CALCOCO1: variants seen among roughly 807,000 people sequenced by gnomAD.
The protein encoded by CALCOCO1 is calcium-binding and coiled-coil domain-containing protein 1.
In CALCOCO1, 44 loss-of-function variants were observed where a neutral mutation model predicts 86.3. The ratio of observed to expected loss-of-function variants is 0.51; its 90% CI spans 0.40 to 0.66. The LOEUF (loss-of-function observed/expected upper bound fraction) is 0.66. Among genes scored for constraint, CALCOCO1 ranks in the 30% least tolerant of loss-of-function variants. The pLI, the probability that CALCOCO1 is intolerant of heterozygous loss-of-function variation, is 0.00. For missense variants in CALCOCO1, 708 were observed against 851.1 expected, an observed-to-expected ratio of 0.83 and a Z score of 2.09; for synonymous variants, 297 against 327.6, an observed-to-expected ratio of 0.91 and a Z score of 1.01.
At chr12:53,716,653 C>G (rs1945735466) in intron 7 of CALCOCO1, among the ~76,000 whole-genome samples, 1 of 152,166 alleles carries the variant, frequency 6.6e-6, no homozygotes, top group Non-Finnish European at 1.5e-5. Context: ...TCTGTGTAGG[C>G]ATTCCATGTA....
chr12:53,714,999 T>A (rs899054865), intron 10 of CALCOCO1, among the ~76,000 whole-genome samples: 3 of 152,162 alleles, frequency 2.0e-5, no homozygotes, highest in African/African-American at 7.2e-5. Flanking sequence ...CTAAGTCACC[T>A]CTACTGGGCC....
chr12:53,714,331 T>C (rs1398369124), intron 11 of CALCOCO1, 90 bp from the exon 12 acceptor site: 1 of 975,492 alleles, frequency 1.0e-6, no homozygotes, highest in African/African-American at 1.6e-5. Context: ...GAAGAACTCT[T>C]AGCTCCTCAG....
chr12:53,710,985 A>G lies in CALCOCO1; in HGVS notation c.*959T>C, dbSNP rs1049144796. The G allele has an allele frequency of 5.9e-6, 2 of 336,176 alleles. No homozygotes were observed. Among genetic ancestry groups the G allele is most frequent in the African/African-American group, 4.3e-5 (2 of 46,490 alleles). The allele number at this position is 336,176 out of a possible 1,614,324, so 20.8% of individuals were successfully genotyped here. On this transcript the variant is annotated 3_prime_UTR_variant, in exon 15 of 15. Transcript: ENST00000550804. ...AGGCACGACAGGACAGTAACTGCCCAGCATCCCCTGCCATGAGGCAGGGAT... is the reference window on the plus strand; with the variant it reads ...AGGCACGACAGGACAGTAACTGCCCGGCATCCCCTGCCATGAGGCAGGGAT...
rs1286506095 is a variant in CALCOCO1, at chr12:53,711,297, A to C, written c.*647T>G. ...ATACATTATTTCTTTCCATGTGAGG[A>C]GATGCGAGGAGAGGATACAGAATAC... On this transcript the variant is annotated 3_prime_UTR_variant, in exon 15 of 15. Coordinates refer to ENST00000550804, the MANE Select transcript of CALCOCO1 (RefSeq NM_020898.3). 8 of 398,394 alleles carry C rather than the reference A, an allele frequency of 2.0e-5. No individual in the cohort carries two copies. Among genetic ancestry groups the C allele is most frequent in the African/African-American group, 4.1e-5 (2 of 48,540 alleles). The allele number at this position is 398,394 out of a possible 1,614,324, so 24.7% of individuals were successfully genotyped here. A position where few individuals can be genotyped will look rare whatever the true frequency, so the allele number is the denominator to read the frequency against.
At chr12:53,712,564 G>T in intron 14 of CALCOCO1, 1 of 231,002 alleles carries the variant, frequency 4.3e-6, no homozygotes, top group South Asian at 6.0e-5. Flanking sequence ...TTGAACCTGG[G>T]AATAAAAGGG....
intron 14 of CALCOCO1, 161 bp downstream of exon 14, chr12:53,712,939 G>A (rs1465508553): frequency 3.9e-6 from 5 of 1,288,920 alleles, no homozygotes; most frequent in African/African-American, 1.5e-5. Context: ...GGGATTTGGA[G>A]CAGTGAGTCA....
intron 13 of CALCOCO1, 42 bp from the exon 14 acceptor site, chr12:53,713,248 C>T (rs2120545268): frequency 6.6e-7 from 1 of 1,526,018 alleles, no homozygotes; most frequent in African/African-American, 1.4e-5. Context: ...GGGTGGTGTC[C>T]CAAGATGGGG....
chr12:53,721,521 T>A lies in CALCOCO1; in HGVS notation c.704A>T (p.Asp235Val). ...TTTCTCACTGATGGTCTGGATGTCA[T>A]CCTCTAGCTCCAGGATGCGTGCCAC... ...DHVARILELE[D>V]DIQTISEKVL... The change falls in exon 6 of 15, where the codon GAT becomes GTT. Residue 235 changes from aspartate to valine, a missense_variant. Coordinates refer to ENST00000550804, the MANE Select transcript of CALCOCO1 (RefSeq NM_020898.3). The A allele has an allele frequency of 6.2e-7, 1 of 1,613,814 alleles. No homozygotes were observed. The highest frequency in any genetic ancestry group is 2.2e-5 in the East Asian group (1 of 44,866).
chr12:53,720,362 T>C (rs1426164769), intron 6 of CALCOCO1, among the ~76,000 whole-genome samples: 1 of 152,262 alleles, frequency 6.6e-6, no homozygotes, highest in Non-Finnish European at 1.5e-5. Flanking sequence ...TTCATACAAC[T>C]TTCACATGTC....
In CALCOCO1 at chr12:53,716,354, T is replaced by A. The variant is rs760613148; in HGVS notation, c.911A>T (p.Lys304Met). Reference protein sequence around the residue: ...HHLNLDLKEAKSWQEEQSAQA... With the variant: ...HHLNLDLKEAMSWQEEQSAQA... ...AGCACTCTGCTCCTCTTGCCAGCTC[T>A]TCGCCTCCTTCAGGTCCAAATTTAA... Residue 304 changes from lysine to methionine, a missense_variant, in exon 8 of 15, where the codon AAG (lysine) becomes ATG (methionine). By Grantham distance (95) the Lys-to-Met change is moderately conservative. Transcript: ENST00000550804. The A allele has an allele frequency of 1.2e-6, 2 of 1,614,218 alleles. No homozygotes were observed. The highest frequency in any genetic ancestry group is 1.7e-5 in the Admixed American group (1 of 60,024).
intron 14 of CALCOCO1, 113 bp downstream of exon 14, chr12:53,712,987 G>T: frequency 7.8e-7 from 1 of 1,290,154 alleles, no homozygotes; most frequent in Non-Finnish European, 1.1e-6. Context: ...CCTTTTCTTG[G>T]CTGAGGCCAA....
Position 53,721,471 on chromosome 12 carries a change from C to T in CALCOCO1, c.754G>A (p.Asp252Asn). 1.2e-6 allele frequency: 2 copies of T among 1,610,006 alleles called. No individual in the cohort carries two copies. Among genetic ancestry groups the T allele is most frequent in the Non-Finnish European group, 1.7e-6 (2 of 1,178,682 alleles). The change falls in exon 6 of 15, where the codon GAC (aspartate) becomes AAC (asparagine). Residue 252 changes from aspartate to asparagine, a missense_variant. Coordinates refer to ENST00000550804, the MANE Select transcript of CALCOCO1 (RefSeq NM_020898.3). ...GGGTCAGTGGACTCCCCTCACCTGTCCAGCTCCACTTCCTTCGTCAGCACT... is the reference window on the plus strand; with the variant it reads ...GGGTCAGTGGACTCCCCTCACCTGTTCAGCTCCACTTCCTTCGTCAGCACT... ...EKVLTKEVELDRLRDTVKALT... is the reference protein window; with the variant it reads ...EKVLTKEVELNRLRDTVKALT...
At chr12:53,713,574 G>A (rs1164857870) in intron 13 of CALCOCO1, 127 bp downstream of exon 13, 4 of 864,992 alleles carry the variant, frequency 4.6e-6, no homozygotes, top group Middle Eastern at 3.7e-4. Flanking sequence ...ACTGAGGTGG[G>A]AGGATCGCTT....
chr12:53,715,427 A>C (rs1945698248), intron 9 of CALCOCO1, 102 bp from the exon 10 acceptor site: 2 of 1,465,522 alleles, frequency 1.4e-6, no homozygotes, highest in Admixed American at 4.0e-5. Flanking sequence ...CCTTTATTTA[A>C]AGCATCATTT....
rs1299688069 is a variant in CALCOCO1 at position 53,710,115 on chromosome 12, G to A, written c.*1829C>T. ...AGTCTTAATACGGGAAGCAATAAAG[G>A]AAGAGAGGGATTCTATTAATTAAAT... On this transcript the variant is annotated 3_prime_UTR_variant, in exon 15 of 15. Transcript: ENST00000550804. 6.6e-6 allele frequency: 1 copy of A among 152,166 alleles called. No homozygotes were observed. Among genetic ancestry groups the A allele is most frequent in the Non-Finnish European group, 1.5e-5 (1 of 68,046 alleles). 9.4% of individuals were successfully genotyped at this position (152,166 alleles called of 1,614,324 possible).
At chr12:53,714,748 T>C in intron 10 of CALCOCO1, 55 bp from the exon 11 acceptor site, 6 of 1,334,716 alleles carry the variant, frequency 4.5e-6, no homozygotes, top group Non-Finnish European at 6.4e-6. Context: ...TCCAAGAACC[T>C]GGACTCTGGG....
In CALCOCO1 at chr12:53,721,518, T is replaced by A; in HGVS notation, c.707A>T (p.Asp236Val). ...HVARILELEDDIQTISEKVLT... is the reference protein window; with the variant it reads ...HVARILELEDVIQTISEKVLT... ...CACTTTCTCACTGATGGTCTGGATGTCATCCTCTAGCTCCAGGATGCGTGC... is the reference window on the plus strand; with the variant it reads ...CACTTTCTCACTGATGGTCTGGATGACATCCTCTAGCTCCAGGATGCGTGC... The change falls in exon 6 of 15, where the codon GAC (aspartate) becomes GTC (valine). Residue 236 changes from aspartate (D) to valine (V), a missense_variant. By Grantham distance (152) the Asp-to-Val change is radical (BLOSUM62 -3). Coordinates refer to ENST00000550804, the MANE Select transcript of CALCOCO1 (RefSeq NM_020898.3). 6.2e-7 allele frequency: 1 copy of A among 1,613,824 alleles called. No individual in the cohort carries two copies. The highest frequency in any genetic ancestry group is 8.5e-7 in the Non-Finnish European group (1 of 1,179,854).
In CALCOCO1 at chr12:53,722,575, AT is replaced by A. The variant is rs768644777; in HGVS notation, c.451-393del. Among the ~76,000 whole-genome samples, 7 of 152,092 alleles carry A rather than the reference AT, an allele frequency of 4.6e-5. No individual in the cohort carries two copies. The East Asian group carries it at 1.4e-3, about 29-fold the overall frequency. ...CAGTGCAATTTTTACTAGCTATGTG[AT>A]TTTTTTTAAAGATAGGGTCTCACTG... is the stretch of plus-strand genomic sequence containing the variant. On this transcript the variant is annotated intron_variant, in intron 4 of 14. Coordinates refer to ENST00000550804, the MANE Select transcript of CALCOCO1 (RefSeq NM_020898.3).
At chr12:53,721,846 G>A in intron 5 of CALCOCO1, 179 bp downstream of exon 5, 1 of 821,378 alleles carries the variant, frequency 1.2e-6, no homozygotes, top group Non-Finnish European at 1.9e-6. Context: ...TACACGTTTG[G>A]AACATGTCTC....
Sources: gnomAD v4.1 joint callset for allele counts (sites outside exome capture counted in the v4.1 genomes callset) on GRCh38, gnomAD v4.1.1 for gene constraint, MANE v1.5 for transcripts, NCBI Gene and HGNC (gene_info 2026-07-23, HGNC 2026-07-21) for gene names.